FAM107B: variants seen among roughly 807,000 people sequenced by gnomAD.
The protein encoded by FAM107B is family with sequence similarity 107 member B.
In FAM107B, 21 loss-of-function variants were observed where a neutral mutation model predicts 31.5. That is an observed-to-expected ratio of 0.67 (90% CI 0.47 to 0.96). FAM107B has a LOEUF of 0.96. FAM107B is among the 40% of genes least tolerant of loss of function. FAM107B has a pLI of 0.00. For missense variants in FAM107B, 452 were observed against 377.1 expected (o/e 1.20, Z -1.64); for synonymous variants, 157 against 141.5 (o/e 1.11, Z -0.78).
chr10:14,545,149 C>G (rs1043848162), intron 2 of FAM107B, among the ~76,000 whole-genome samples: 5 of 152,150 alleles, frequency 3.3e-5, no homozygotes, highest in Non-Finnish European at 4.4e-5. Context: ...CCCAGCGAGA[C>G]TAGGTGACTT....
intron 2 of FAM107B, chr10:14,571,802 C>T (rs1041397710): frequency 2.0e-6 from 2 of 985,292 alleles, no homozygotes; most frequent in African/African-American, 3.5e-5. Flanking sequence ...TAATCATGGG[C>T]ATTCAAGGTG....
At chr10:14,666,480 CACAACACA>C (rs1407772144) in intron 2 of FAM107B, among the ~76,000 whole-genome samples, 3 of 152,070 alleles carry the variant, frequency 2.0e-5, no homozygotes, top group African/African-American at 7.2e-5. Flanking sequence ...GCGTCCCTCC[CACAACACA>C]TGGGGATTAT....
intron 2 of FAM107B, among the ~76,000 whole-genome samples, chr10:14,623,155 T>C (rs1007763911): frequency 2.0e-5 from 3 of 152,344 alleles, no homozygotes; most frequent in Non-Finnish European, 2.9e-5. Context: ...TTGGTGTTCA[T>C]CTTTTGTTGA....
intron 1 of FAM107B, among the ~76,000 whole-genome samples, chr10:14,727,837 A>G (rs551351587): frequency 6.6e-6 from 1 of 152,350 alleles, no homozygotes; most frequent in East Asian, 1.9e-4. Context: ...TAAGTAAGAA[A>G]CTTTAAAAAG....
intron 2 of FAM107B, among the ~76,000 whole-genome samples, chr10:14,581,196 T>C (rs12255484): frequency 0.014 from 2,058 of 152,268 alleles, 44 homozygotes; most frequent in African/African-American, 0.047. Context: ...TAAGAGAGCG[T>C]TGCGCGTCAG....
chr10:14,526,949 T>C (rs749713041), intron 3 of FAM107B, among the ~76,000 whole-genome samples: 4 of 152,058 alleles, frequency 2.6e-5, no homozygotes, highest in Non-Finnish European at 5.9e-5. Flanking sequence ...GCTATTCTCC[T>C]GCCTCAGCCT....
Position 14,520,920 on chromosome 10 carries a change from T to C in FAM107B, c.*270A>G. The C allele has an allele frequency of 2.8e-6, 1 of 354,080 alleles. No homozygotes were observed. The highest frequency in any genetic ancestry group is 1.1e-4 in the South Asian group (1 of 9,472). 21.9% of individuals were successfully genotyped at this position (354,080 alleles called of 1,614,324 possible). On this transcript the variant is annotated 3_prime_UTR_variant, in exon 5 of 5. Transcript: ENST00000181796. ...CCTCTTCCTTTTTCCTGTTCTCACT[T>C]GTTTTGCTTGTTGGTTCTGTTAAGT...
At chr10:14,586,673 GT>G (rs977448421) in intron 2 of FAM107B, among the ~76,000 whole-genome samples, 15 of 152,156 alleles carry the variant, frequency 9.9e-5, no homozygotes, top group Non-Finnish European at 2.2e-4. Flanking sequence ...TGATCTTGGA[GT>G]TCCCAACCTC....
At chr10:14,572,384 T>C (rs1851289795) in intron 2 of FAM107B, 10 of 985,288 alleles carry the variant, frequency 1.0e-5, no homozygotes, top group African/African-American at 7.0e-5. Flanking sequence ...GCAGGAAGCA[T>C]GCGTGAGTCA....
At chr10:14,587,310 ACTCATGTATTTATT>A (rs1409625718) in intron 2 of FAM107B, among the ~76,000 whole-genome samples, 1 of 152,226 alleles carries the variant, frequency 6.6e-6, no homozygotes, top group Non-Finnish European at 1.5e-5. Flanking sequence ...CAATGCAGGT[ACTCATGTATTTATT>A]CTCATGTATT....
chr10:14,647,618 G>C (rs118030758), intron 2 of FAM107B, among the ~76,000 whole-genome samples: 5,768 of 151,230 alleles, frequency 0.038, 175 homozygotes, highest in East Asian at 0.13. Flanking sequence ...CTGGGAGGCG[G>C]AGGTTGCAGA....
chr10:14,545,176 CTAAT>C (rs1307280010), intron 2 of FAM107B, among the ~76,000 whole-genome samples: 2 of 152,106 alleles, frequency 1.3e-5, no homozygotes, highest in Non-Finnish European at 2.9e-5. Context: ...ATCTACAAGG[CTAAT>C]TAAATGGCAG....
At chr10:14,566,999 A>C (rs1850726343) in intron 2 of FAM107B, among the ~76,000 whole-genome samples, 2 of 152,112 alleles carry the variant, frequency 1.3e-5, no homozygotes, top group Non-Finnish European at 2.9e-5. Flanking sequence ...AAAAATACAA[A>C]AAAATTAGCC....
At position 14,772,362 on chromosome 10, in the gene FAM107B, A is replaced by AAAAAAT. The variant is rs10651238; in HGVS notation, c.411+1890_411+1891insATTTTT. Among the ~76,000 whole-genome samples, 179 of 145,630 alleles carry AAAAAAT rather than the reference A, an allele frequency of 1.2e-3. 1 individual carries two copies. The highest frequency in any genetic ancestry group is 4.8e-3 in the South Asian group (22 of 4,592). On this transcript the variant is annotated intron_variant, in intron 1 of 4. Coordinates refer to ENST00000181796, the MANE Select transcript of FAM107B (RefSeq NM_031453.4). Reference sequence around the variant, plus strand: ...GAGCAAGACTCCATCTTAAAAAAAAAATATATATATATATATATGCACCTC... The same window carrying AAAAAAT: ...GAGCAAGACTCCATCTTAAAAAAAAAAAAAATATATATATATATATATATGCACCTC...
intron 2 of FAM107B, among the ~76,000 whole-genome samples, chr10:14,562,383 C>G (rs1046067255): frequency 1.3e-5 from 2 of 152,206 alleles, no homozygotes; most frequent in Non-Finnish European, 2.9e-5. Flanking sequence ...AGCCACAGAA[C>G]AATACATTCA....
chr10:14,652,619 T>C (rs1853930322), intron 2 of FAM107B: 1 of 152,236 alleles, frequency 6.6e-6, no homozygotes, highest in South Asian at 2.1e-4. Context: ...GCACTTAGCA[T>C]GGCACGTTAT....
rs1484219178 is a variant in FAM107B, at chr10:14,774,882, G to A, written c.-219C>T. Reference sequence around the variant, plus strand: ...GAAAGTGTCCATCCTGGGCAATTTCGCGCTCTTCCTTCTGTGATGCTGTCA... The same window carrying A: ...GAAAGTGTCCATCCTGGGCAATTTCACGCTCTTCCTTCTGTGATGCTGTCA... On this transcript the variant is annotated 5_prime_UTR_variant, in exon 1 of 5. Transcript: ENST00000181796. 1.8e-5 allele frequency: 10 copies of A among 567,724 alleles called. No individual in the cohort carries two copies. The Admixed American group carries it at 2.3e-4, about 13-fold the overall frequency. The allele number at this position is 567,724 out of a possible 1,614,324, so 35.2% of individuals were successfully genotyped here.
At chr10:14,756,027 G>A (rs1352935924) in intron 1 of FAM107B, among the ~76,000 whole-genome samples, 2 of 152,170 alleles carry the variant, frequency 1.3e-5, no homozygotes, top group Non-Finnish European at 2.9e-5. Context: ...TTTAAGGGCA[G>A]GGGCTCTTTT....
At chr10:14,628,334 T>C (rs1348502540) in intron 2 of FAM107B, among the ~76,000 whole-genome samples, 2 of 152,044 alleles carry the variant, frequency 1.3e-5, no homozygotes, top group African/African-American at 4.8e-5. Flanking sequence ...GCCAGGCTAG[T>C]CTCAAACTCC....
Sources: gnomAD v4.1 joint callset for allele counts (sites outside exome capture counted in the v4.1 genomes callset) on GRCh38, gnomAD v4.1.1 for gene constraint, MANE v1.5 for transcripts, NCBI Gene and HGNC (gene_info 2026-07-23, HGNC 2026-07-21) for gene names.